FBN1: variants seen among roughly 807,000 people sequenced by gnomAD.
The protein encoded by FBN1 is fibrillin 1, also known as fibrillin-1.
A neutral mutation model predicts 365.1 loss-of-function variants in FBN1; 29 were observed. The observed-to-expected ratio is 0.08, with a 90% CI of 0.06 to 0.11. FBN1 has a LOEUF of 0.11. Ranked by LOEUF, FBN1 falls within the 10% of genes least tolerant of loss-of-function variation. The pLI is 1.00. For synonymous variants in FBN1, 1,210 were observed against 1,270.5 expected (o/e 0.95, Z 1.01); for missense variants, 2,476 against 3,703.2 (o/e 0.67, Z 8.60).
In FBN1 at chr15:48,469,138, T is replaced by TG. The variant is rs1472349890; in HGVS notation, c.4460-605_4460-604insC. Among the ~76,000 whole-genome samples the TG allele has an allele frequency of 4.2e-5, 6 of 142,616 alleles. No homozygotes were observed. The East Asian group carries it at 1.2e-3, about 29-fold the overall frequency. The allele number at this position is 142,616 out of a possible 152,430, so 93.6% of individuals were successfully genotyped here. A position where few individuals can be genotyped will look rare whatever the true frequency, so the allele number is the denominator to read the frequency against. On this transcript the variant is annotated intron_variant, in intron 36 of 65. Coordinates refer to ENST00000316623, the MANE Select transcript of FBN1 (RefSeq NM_000138.5). ...ATATATATATAAAATATAATATATATTACATATATATATATAACTTTGGCA... is the reference window on the plus strand; with the variant it reads ...ATATATATATAAAATATAATATATATGTACATATATATATATAACTTTGGCA...
rs2042872810 is a variant in FBN1, at chr15:48,412,638, C to T, written c.8157G>A (p.Lys2719=). The change falls in exon 65 of 66, where the codon AAG becomes AAA. Residue 2719 remains lysine (K), a synonymous_variant. Transcript: ENST00000316623. ...TGCCCCGTTTGGGGTAGCCATTGAT[C>T]TTACACTCGTAACAAGCCTCTGGGG... ...SLSPEACYEC[K]INGYPKRGRK... 1.2e-6 allele frequency: 2 copies of T among 1,614,254 alleles called. No homozygotes were observed. The highest frequency in any genetic ancestry group is 1.1e-5 in the South Asian group (1 of 91,086).
At chr15:48,608,025 G>T (rs1273904976) in intron 4 of FBN1, among the ~76,000 whole-genome samples, 1 of 152,180 alleles carries the variant, frequency 6.6e-6, no homozygotes, top group African/African-American at 2.4e-5. Context: ...GACGAGTGTC[G>T]AGAGTTCCAC....
chr15:48,534,920 C>T (rs2141354822), intron 7 of FBN1, among the ~76,000 whole-genome samples: 1 of 152,292 alleles, frequency 6.6e-6, no homozygotes, highest in South Asian at 2.1e-4. Context: ...CATGTCTTTC[C>T]CCAGCTCAAC....
chr15:48,464,143 G>T, intron 40 of FBN1, 122 bp from the exon 41 acceptor site: 2 of 897,074 alleles, frequency 2.2e-6, no homozygotes, highest in Non-Finnish European at 3.6e-6. Context: ...ATAAGATAAC[G>T]AAAATAGGTA....
At chr15:48,498,539 C>T (rs1767032310) in intron 18 of FBN1, among the ~76,000 whole-genome samples, 1 of 152,130 alleles carries the variant, frequency 6.6e-6, no homozygotes, top group Non-Finnish European at 1.5e-5. Context: ...TAATTGTTGT[C>T]ACTGCTCTCT....
intron 2 of FBN1, among the ~76,000 whole-genome samples, chr15:48,640,335 T>C (rs1250201182): frequency 6.6e-6 from 1 of 152,224 alleles, no homozygotes; most frequent in Non-Finnish European, 1.5e-5. Context: ...AAAAAAATTG[T>C]GTCCCAATAT....
At chr15:48,491,277 T>A (rs1006089338) in intron 24 of FBN1, among the ~76,000 whole-genome samples, 2 of 152,180 alleles carry the variant, frequency 1.3e-5, no homozygotes, top group Non-Finnish European at 2.9e-5. Flanking sequence ...AAGTTCAATA[T>A]TTAAAGGTTT....
rs138747804 is a variant in FBN1 at position 48,603,436 on chromosome 15, C to T, written c.347-3202G>A. On this transcript the variant is annotated intron_variant, in intron 4 of 65. Transcript: ENST00000316623. ...GCATTCCGATAAAGGTGGGAGCAGT[C>T]GCTCAGGATTTCTGTGGGGAAGTGA... 9.9e-5 allele frequency among the ~76,000 whole-genome samples: 15 copies of T among 152,266 alleles called. No homozygotes were observed. The East Asian group carries it at 2.1e-3, about 22-fold the overall frequency.
chr15:48,552,661 A>G (rs890986312), intron 6 of FBN1, among the ~76,000 whole-genome samples: 5 of 152,166 alleles, frequency 3.3e-5, no homozygotes, highest in African/African-American at 1.2e-4. Context: ...CTATTTGTTT[A>G]AGTCACTGTG....
At chr15:48,508,778 TA>T in intron 14 of FBN1, 74 bp from the exon 15 acceptor site, 1 of 1,555,468 alleles carries the variant, frequency 6.4e-7, no homozygotes, top group South Asian at 1.1e-5. Context: ...TGGATGAAAA[TA>T]ATTCTGTTTC....
At chr15:48,516,883 G>A (rs12592240) in intron 10 of FBN1, among the ~76,000 whole-genome samples, 23,065 of 152,022 alleles carry the variant, frequency 0.15, 1,895 homozygotes, top group East Asian at 0.36. Flanking sequence ...GATGATGTCC[G>A]GATGGGGGAG....
chr15:48,435,778 G>GTATATATA lies in FBN1; in HGVS notation c.6497-1066_6497-1065insTATATATA, dbSNP rs1299471206. 2.5e-3 allele frequency among the ~76,000 whole-genome samples: 353 copies of GTATATATA among 141,058 alleles called. 3 individuals are homozygous for GTATATATA. Among genetic ancestry groups the GTATATATA allele is most frequent in the Middle Eastern group, 7.5e-3 (2 of 268 alleles). 92.5% of individuals were successfully genotyped at this position (141,058 alleles called of 152,430 possible). On this transcript the variant is annotated intron_variant, in intron 53 of 65. Coordinates refer to ENST00000316623, the MANE Select transcript of FBN1 (RefSeq NM_000138.5). Reference sequence around the variant, plus strand: ...TGTGTATATATATGTGTATATGTGTGTGTGTGTGTGTGTGTGTGTGTGTGT... The same window carrying GTATATATA: ...TGTGTATATATATGTGTATATGTGTGTATATATATGTGTGTGTGTGTGTGTGTGTGTGT...
chr15:48,469,559 G>T lies in FBN1; in HGVS notation c.4460-1025C>A, dbSNP rs184981167. On this transcript the variant is annotated intron_variant, in intron 36 of 65. Coordinates refer to ENST00000316623, the MANE Select transcript of FBN1 (RefSeq NM_000138.5). ...TGAAATACTCAAGAATAGACAAACG[G>T]CTTCTGTGAGGAGGGACTGGAGAAG... 2.6e-3 allele frequency among the ~76,000 whole-genome samples: 390 copies of T among 152,202 alleles called. 3 individuals are homozygous for T. Among genetic ancestry groups the T allele is most frequent in the African/African-American group, 8.9e-3 (370 of 41,538 alleles).
intron 8 of FBN1, among the ~76,000 whole-genome samples, chr15:48,531,892 C>A (rs548813090): frequency 6.6e-6 from 1 of 152,142 alleles, no homozygotes; most frequent in East Asian, 1.9e-4. Context: ...AAGGAAAAAA[C>A]CATTATCTAA....
chr15:48,449,650 C>T (rs1166594051), intron 45 of FBN1, among the ~76,000 whole-genome samples: 1 of 152,150 alleles, frequency 6.6e-6, no homozygotes, highest in African/African-American at 2.4e-5. Flanking sequence ...TAATTATATG[C>T]CAACTTACGT....
At chr15:48,627,863 A>G (rs542070442) in intron 2 of FBN1, among the ~76,000 whole-genome samples, 3 of 152,342 alleles carry the variant, frequency 2.0e-5, no homozygotes, top group Non-Finnish European at 1.5e-5. Flanking sequence ...GTTTCAAGCT[A>G]TAATTAAGCA....
Position 48,445,337 on chromosome 15 carries a change from G to A in FBN1, c.5917+39C>T, listed in dbSNP as rs375414600. The A allele has an allele frequency of 5.0e-6, 8 of 1,609,204 alleles. No individual in the cohort carries two copies. In the African/African-American group the frequency reaches 9.4e-5, roughly 19 times the overall value. On this transcript the variant is annotated intron_variant, in intron 48 of 65. Transcript: ENST00000316623. The stretch of plus-strand genomic sequence containing the variant: ...TGCATGATTCCTTGAGTGGTCTCTG[G>A]AAGCATTCTTTCCAGGTCTTTCTAA...
intron 6 of FBN1, among the ~76,000 whole-genome samples, chr15:48,586,364 T>G (rs969391616): frequency 1.3e-5 from 2 of 152,138 alleles, no homozygotes; most frequent in African/African-American, 4.8e-5. Context: ...GCTGGCCTCC[T>G]ACAGTCAGGA....
At chr15:48,479,052 T>C (rs781385512) in intron 32 of FBN1, among the ~76,000 whole-genome samples, 10 of 152,212 alleles carry the variant, frequency 6.6e-5, no homozygotes, top group Non-Finnish European at 1.3e-4. Context: ...AGTAGACATA[T>C]TCCTTTTGTC....
Sources: gnomAD v4.1 joint callset for allele counts (sites outside exome capture counted in the v4.1 genomes callset) on GRCh38, gnomAD v4.1.1 for gene constraint, MANE v1.5 for transcripts, NCBI Gene and HGNC (gene_info 2026-07-23, HGNC 2026-07-21) for gene names.